AKAP12: variants seen among roughly 807,000 people sequenced by gnomAD.
The protein encoded by AKAP12 is A-kinase anchor protein 12.
A neutral mutation model predicts 79.9 loss-of-function variants in AKAP12; 32 were observed. That is an observed-to-expected ratio of 0.40 (90% CI 0.30 to 0.54). The LOEUF (loss-of-function observed/expected upper bound fraction) is 0.54, where lower values mean the gene tolerates loss of function less well. Among genes scored for constraint, AKAP12 ranks in the 20% least tolerant of loss-of-function variants. The pLI, the probability that AKAP12 is intolerant of heterozygous loss-of-function variation, is 0.48. For missense variants in AKAP12, 2,074 were observed against 2,177.0 expected (o/e 0.95, Z 0.94); for synonymous variants, 808 against 857.0 (o/e 0.94, Z 1.00).
intron 3 of AKAP12, among the ~76,000 whole-genome samples, chr6:151,334,462 G>A (rs1052222713): frequency 3.3e-5 from 5 of 151,952 alleles, no homozygotes; most frequent in African/African-American, 1.2e-4. Flanking sequence ...GGGCGTGGTG[G>A]TGAGTGCCTG....
rs1392856719 is a variant in AKAP12, at chr6:151,298,235, C to T, written c.163-7512C>T. On this transcript the variant is annotated intron_variant, in intron 2 of 4. Coordinates refer to ENST00000402676, the MANE Select transcript of AKAP12 (RefSeq NM_005100.4). ...AACCACCTTTACCCGCTTTGTCCTGCCCAGTCCTAGAAAATCAGAAGGATT... is the reference window on the plus strand; with the variant it reads ...AACCACCTTTACCCGCTTTGTCCTGTCCAGTCCTAGAAAATCAGAAGGATT... 2.0e-5 allele frequency among the ~76,000 whole-genome samples: 3 copies of T among 152,116 alleles called. No individual in the cohort carries two copies. In the East Asian group the frequency reaches 5.8e-4, roughly 29 times the overall value.
chr6:151,341,048 CTTTTTTTTCT>C (rs1286131072), intron 3 of AKAP12, among the ~76,000 whole-genome samples: 92 of 123,356 alleles, frequency 7.5e-4, no homozygotes, highest in African/African-American at 3.6e-3. Flanking sequence ...GTTTTTGTTT[CTTTTTTTTCT>C]TTTTTTTTTT....
At chr6:151,277,825 G>A (rs1210954057) in intron 2 of AKAP12, among the ~76,000 whole-genome samples, 1 of 152,162 alleles carries the variant, frequency 6.6e-6, no homozygotes, top group Admixed American at 6.5e-5. Flanking sequence ...CTCTTCAACT[G>A]TATTGGTTCT....
At chr6:151,295,329 A>T (rs902962692) in intron 2 of AKAP12, among the ~76,000 whole-genome samples, 1 of 152,246 alleles carries the variant, frequency 6.6e-6, no homozygotes, top group Admixed American at 6.5e-5. Context: ...GATCTCTCTT[A>T]ACAATCATTC....
chr6:151,292,406 A>G (rs757560986), intron 2 of AKAP12, among the ~76,000 whole-genome samples: 24 of 152,196 alleles, frequency 1.6e-4, no homozygotes, highest in Non-Finnish European at 2.6e-4. Flanking sequence ...TATAGCTACA[A>G]ATTTGCAGAC....
At chr6:151,244,067 A>C (rs988020929) in intron 2 of AKAP12, among the ~76,000 whole-genome samples, 4 of 152,130 alleles carry the variant, frequency 2.6e-5, no homozygotes, top group Non-Finnish European at 5.9e-5. Flanking sequence ...GGTCTGTTGC[A>C]ACAGGGTGAG....
intron 3 of AKAP12, among the ~76,000 whole-genome samples, chr6:151,335,711 G>A (rs544542555): frequency 7.2e-5 from 11 of 152,164 alleles, no homozygotes; most frequent in South Asian, 2.1e-4. Flanking sequence ...ACCCCAAAGC[G>A]ATCCTCCTGC....
chr6:151,323,952 T>C (rs1488577939), intron 3 of AKAP12: 1 of 985,156 alleles, frequency 1.0e-6, no homozygotes, highest in African/African-American at 1.7e-5. Flanking sequence ...AAGGGACTTA[T>C]TAATGTAGAC....
At chr6:151,334,506 A>G (rs1777759934) in intron 3 of AKAP12, among the ~76,000 whole-genome samples, 1 of 151,614 alleles carries the variant, frequency 6.6e-6, no homozygotes, top group Non-Finnish European at 1.5e-5. Flanking sequence ...GAGGCAGGAG[A>G]ATCGCTGGAA....
At position 151,348,806 on chromosome 6, in the gene AKAP12, CAGG is replaced by C. The variant is rs2114822215; in HGVS notation, c.421_423del (p.Glu141del). On this transcript the variant is annotated inframe_deletion, in exon 4 of 5. Transcript: ENST00000402676. ...TGTTCACGACATCACAGATGATGGG[CAGG>C]AGGAGACACCCGAAATAATCGAACA... is the stretch of plus-strand genomic sequence containing the variant. 6.2e-7 allele frequency: 1 copy of C among 1,613,120 alleles called. No individual in the cohort carries two copies. The highest frequency in any genetic ancestry group is 8.5e-7 in the Non-Finnish European group (1 of 1,179,916).
At chr6:151,342,522 C>T (rs1367977936) in intron 3 of AKAP12, among the ~76,000 whole-genome samples, 2 of 152,142 alleles carry the variant, frequency 1.3e-5, no homozygotes, top group Non-Finnish European at 2.9e-5. Context: ...TAGATTGCCC[C>T]AGCACAGAGG....
chr6:151,330,873 G>A (rs1777649160), intron 3 of AKAP12, among the ~76,000 whole-genome samples: 1 of 152,258 alleles, frequency 6.6e-6, no homozygotes, highest in South Asian at 2.1e-4. Flanking sequence ...TGGAGCTTGC[G>A]GATGGGGAAC....
intron 3 of AKAP12, chr6:151,325,704 C>T (rs1777506479): frequency 1.4e-6 from 2 of 1,470,388 alleles, no homozygotes; most frequent in Non-Finnish European, 9.0e-7. Flanking sequence ...TCCGAGGGCA[C>T]CTCCGGTTCT....
chr6:151,352,827 G>C lies in AKAP12; in HGVS notation c.4436G>C (p.Cys1479Ser). 6.2e-7 allele frequency: 1 copy of C among 1,614,214 alleles called. No homozygotes were observed. Among genetic ancestry groups the C allele is most frequent in the Non-Finnish European group, 8.5e-7 (1 of 1,180,048 alleles). Residue 1479 changes from cysteine to serine, a missense_variant, in exon 4 of 5, where the codon TGT becomes TCT. This residue lies in a region of AKAP12 where 614 missense variants were observed against 665.6 expected (regional missense o/e 0.92). Transcript: ENST00000402676. ...GEDAVPTGPD[C>S]QAKSTPVIVS... ...GATGCTGTGCCCACAGGGCCCGACT[G>C]TCAGGCAAAATCGACACCAGTGATA... is the stretch of plus-strand genomic sequence containing the variant.
rs1338255926 is a variant in AKAP12, at chr6:151,341,667, C to G, written c.320-7044C>G. The G allele has an allele frequency of 1.9e-5, 22 of 1,165,162 alleles. No homozygotes were observed. The East Asian group carries it at 7.8e-4, about 41-fold the overall frequency. The allele number at this position is 1,165,162 out of a possible 1,614,324, so 72.2% of individuals were successfully genotyped here. On this transcript the variant is annotated intron_variant, in intron 3 of 4. Transcript: ENST00000402676. ...GCCGGCGGGCTGCGCGCGCCATGCCCTGGTGGAGTAAACTCTGCAGTGAGT... is the reference window on the plus strand; with the variant it reads ...GCCGGCGGGCTGCGCGCGCCATGCCGTGGTGGAGTAAACTCTGCAGTGAGT...
intron 4 of AKAP12, among the ~76,000 whole-genome samples, chr6:151,355,159 G>C (rs901402414): frequency 2.6e-5 from 4 of 151,354 alleles, no homozygotes; most frequent in Non-Finnish European, 5.9e-5. Context: ...ACCATGCCCA[G>C]CTTAGTTTTG....
chr6:151,285,808 T>C (rs1776493454), intron 2 of AKAP12, among the ~76,000 whole-genome samples: 1 of 24,312 alleles, frequency 4.1e-5, no homozygotes. Context: ...AGTCAGTATT[T>C]GGTTCAAAAG....
At chr6:151,275,268 C>CA (rs1191923266) in intron 2 of AKAP12, among the ~76,000 whole-genome samples, 1 of 152,050 alleles carries the variant, frequency 6.6e-6, no homozygotes, top group Non-Finnish European at 1.5e-5. Flanking sequence ...GTCTGGAAAA[C>CA]ACATTTGAAA....
At chr6:151,251,153 C>T (rs945044446) in intron 2 of AKAP12, among the ~76,000 whole-genome samples, 1 of 152,114 alleles carries the variant, frequency 6.6e-6, no homozygotes, top group Non-Finnish European at 1.5e-5. Flanking sequence ...GTCAGGAGGC[C>T]TTCTGGTACA....
Sources: allele counts gnomAD v4.1 joint callset (sites outside exome capture counted in the v4.1 genomes callset), GRCh38; gene constraint gnomAD v4.1.1; regional missense constraint gnomAD v4.1.1; transcripts MANE v1.5; gene names NCBI Gene and HGNC (gene_info 2026-07-23, HGNC 2026-07-21).